Variants in COMMD1 observed in about 807,000 individuals in gnomAD.
COMMD1 encodes COMM domain-containing protein 1.
Under a neutral mutation model 17.2 loss-of-function variants are expected in COMMD1, and 10 were observed. That is an observed-to-expected ratio of 0.58 (90% CI 0.36 to 0.99). The LOEUF is 0.99. COMMD1 is among the 50% of genes least tolerant of loss of function. The pLI, the probability that COMMD1 is intolerant of heterozygous loss-of-function variation, is 0.01. For missense variants in COMMD1, 270 were observed against 231.8 expected (o/e 1.17, Z -1.07); for synonymous variants, 97 against 91.6 (o/e 1.06, Z -0.34).
intron 1 of COMMD1, among the ~76,000 whole-genome samples, chr2:61,931,473 C>T (rs369439416): frequency 1.4e-4 from 21 of 152,266 alleles, no homozygotes; most frequent in Admixed American, 2.6e-4. Context: ...CAGTGGCAGC[C>T]GCCAAAGTTG....
chr2:62,082,359 G>C (rs1671547631), intron 2 of COMMD1, among the ~76,000 whole-genome samples: 2 of 152,130 alleles, frequency 1.3e-5, no homozygotes, highest in African/African-American at 2.4e-5. Context: ...GGAGACCTTA[G>C]AACACTCAAG....
intron 1 of COMMD1, among the ~76,000 whole-genome samples, chr2:61,991,423 C>T (rs1004506927): frequency 6.6e-6 from 1 of 152,170 alleles, no homozygotes; most frequent in African/African-American, 2.4e-5. Flanking sequence ...AATATGAATT[C>T]TACTTCAAGG....
chr2:62,034,621 G>C (rs934496435), intron 2 of COMMD1, among the ~76,000 whole-genome samples: 2 of 151,972 alleles, frequency 1.3e-5, no homozygotes, highest in African/African-American at 4.8e-5. Flanking sequence ...GATGTTTAAG[G>C]CTCAACTCAT....
chr2:61,960,426 A>C (rs1013218946), intron 1 of COMMD1, among the ~76,000 whole-genome samples: 1 of 152,196 alleles, frequency 6.6e-6, no homozygotes, highest in African/African-American at 2.4e-5. Context: ...AAGAAGGAGT[A>C]TACTTAATAC....
At chr2:62,119,057 A>C (rs958320661) in intron 2 of COMMD1, 3 of 152,250 alleles carry the variant, frequency 2.0e-5, no homozygotes, top group African/African-American at 7.2e-5. Flanking sequence ...ATAAACACAT[A>C]AAGAGGCAGT....
chr2:62,008,598 T>G (rs1391652565), intron 2 of COMMD1, among the ~76,000 whole-genome samples: 1 of 152,202 alleles, frequency 6.6e-6, no homozygotes, highest in African/African-American at 2.4e-5. Flanking sequence ...CAAATTTGTT[T>G]CTGATAATTC....
At chr2:62,009,575 G>T (rs1162641509) in intron 2 of COMMD1, among the ~76,000 whole-genome samples, 1 of 148,844 alleles carries the variant, frequency 6.7e-6, no homozygotes, top group Non-Finnish European at 1.5e-5. Context: ...CTGTACTCCA[G>T]CCTGGGCAAC....
intron 1 of COMMD1, among the ~76,000 whole-genome samples, chr2:61,893,687 G>A (rs776234069): frequency 7.2e-5 from 11 of 152,028 alleles, no homozygotes; most frequent in Non-Finnish European, 1.0e-4. Flanking sequence ...GGTGGCACAT[G>A]CCTATAATCT....
intron 2 of COMMD1, among the ~76,000 whole-genome samples, chr2:62,094,770 A>G (rs540824881): frequency 3.7e-4 from 57 of 152,328 alleles, no homozygotes; most frequent in African/African-American, 1.3e-3. Context: ...TAAAAAGGAA[A>G]AGTGGAAAAA....
intron 2 of COMMD1, among the ~76,000 whole-genome samples, chr2:62,127,776 C>T (rs1672923538): frequency 1.3e-5 from 2 of 152,164 alleles, no homozygotes; most frequent in Admixed American, 1.3e-4. Context: ...GTAATCCCAA[C>T]ACTTTGGGAG....
chr2:62,115,802 T>C (rs1192661493), intron 2 of COMMD1, among the ~76,000 whole-genome samples: 2 of 151,134 alleles, frequency 1.3e-5, no homozygotes, highest in Admixed American at 1.3e-4. Context: ...AGAATATAGA[T>C]AGGAAAGTCA....
chr2:61,936,672 G>A (rs1340170827), intron 1 of COMMD1, among the ~76,000 whole-genome samples: 1 of 152,122 alleles, frequency 6.6e-6, no homozygotes, highest in Admixed American at 6.5e-5. Context: ...GGGCTCAAGC[G>A]ATCCTCCTGC....
intron 2 of COMMD1, among the ~76,000 whole-genome samples, chr2:62,021,419 A>G (rs943401690): frequency 3.3e-5 from 5 of 152,204 alleles, no homozygotes; most frequent in African/African-American, 1.2e-4. Flanking sequence ...GAGGAGCAGA[A>G]GGAAAGCTAA....
At chr2:61,947,229 T>G (rs1467214009) in intron 1 of COMMD1, among the ~76,000 whole-genome samples, 2 of 152,234 alleles carry the variant, frequency 1.3e-5, no homozygotes, top group African/African-American at 2.4e-5. Flanking sequence ...GTTTAGTAAC[T>G]GTTTCAGTAT....
chr2:61,953,752 T>C (rs1671119531), intron 1 of COMMD1, among the ~76,000 whole-genome samples: 1 of 152,226 alleles, frequency 6.6e-6, no homozygotes, highest in South Asian at 2.1e-4. Flanking sequence ...ATACCACATA[T>C]ACATACTCTC....
intron 1 of COMMD1, among the ~76,000 whole-genome samples, chr2:61,896,825 T>C (rs1329319629): frequency 6.6e-6 from 1 of 151,622 alleles, no homozygotes; most frequent in Non-Finnish European, 1.5e-5. Flanking sequence ...TTTTCTTTTT[T>C]TTTTTTTTTT....
chr2:62,017,806 G>A (rs983997918), intron 2 of COMMD1, among the ~76,000 whole-genome samples: 2 of 152,186 alleles, frequency 1.3e-5, no homozygotes, highest in Non-Finnish European at 2.9e-5. Flanking sequence ...GGGAGGCCAA[G>A]GCAGAACGAT....
chr2:62,131,535 T>C (rs955374071), intron 2 of COMMD1, among the ~76,000 whole-genome samples: 9 of 151,992 alleles, frequency 5.9e-5, no homozygotes, highest in African/African-American at 2.2e-4. Context: ...CCTTTTCCTT[T>C]CCCTTTCCCT....
At position 62,122,071 on chromosome 2, in the gene COMMD1, C is replaced by T. The variant is rs141078666; in HGVS notation, c.463-13760C>T. Among the ~76,000 whole-genome samples the T allele has an allele frequency of 2.0e-4, 31 of 152,274 alleles. No homozygotes were observed. The East Asian group carries it at 5.0e-3, about 25-fold the overall frequency. On this transcript the variant is annotated intron_variant, in intron 2 of 2. Coordinates refer to ENST00000311832, the MANE Select transcript of COMMD1 (RefSeq NM_152516.4). ...CTCCCAAAGTGCTAGGAAATATAGG[C>T]GTGAGCCACCGCACCTGGCCATATT...
Sources: gnomAD v4.1 joint callset for allele counts (sites outside exome capture counted in the v4.1 genomes callset) on GRCh38, gnomAD v4.1.1 for gene constraint, MANE v1.5 for transcripts, NCBI Gene and HGNC (gene_info 2026-07-23, HGNC 2026-07-21) for gene names.